Variants in NT5DC1 observed in about 807,000 individuals in gnomAD.
The protein encoded by NT5DC1 is 5'-nucleotidase domain-containing protein 1.
A neutral mutation model predicts 59.4 loss-of-function variants in NT5DC1; 42 were observed. That is an observed-to-expected ratio of 0.71 (90% confidence interval 0.55 to 0.92). The LOEUF (loss-of-function observed/expected upper bound fraction) is 0.92. Ranked by LOEUF, NT5DC1 falls within the 40% of genes least tolerant of loss-of-function variation. NT5DC1 has a pLI of 0.00. For synonymous variants in NT5DC1, 172 were observed against 188.1 expected (o/e 0.91, Z 0.70); for missense variants, 501 against 537.1 (o/e 0.93, Z 0.66).
chr6:116,103,234 A>T (rs551088298), intron 1 of NT5DC1, among the ~76,000 whole-genome samples: 3 of 152,306 alleles, frequency 2.0e-5, no homozygotes, highest in Admixed American at 2.0e-4. Context: ...TAATAACAGA[A>T]TATGATACAG....
chr6:116,201,152 T>G (rs959790163), intron 6 of NT5DC1, among the ~76,000 whole-genome samples: 2 of 151,944 alleles, frequency 1.3e-5, no homozygotes, highest in Non-Finnish European at 2.9e-5. Flanking sequence ...AGGGGATCCT[T>G]CAGAATGAGT....
At chr6:116,215,336 G>A (rs919361726) in intron 6 of NT5DC1, among the ~76,000 whole-genome samples, 2 of 152,024 alleles carry the variant, frequency 1.3e-5, no homozygotes, top group African/African-American at 4.8e-5. Context: ...ATTTTACTTT[G>A]TCTATACTGT....
chr6:116,245,716 A>G lies in NT5DC1; in HGVS notation c.*1692A>G, dbSNP rs568146611. 17 of 152,294 alleles carry G rather than the reference A, an allele frequency of 1.1e-4. No individual in the cohort carries two copies. The South Asian group carries it at 2.3e-3, about 20-fold the overall frequency. The allele number at this position is 152,294 out of a possible 1,614,324, so 9.4% of individuals were successfully genotyped here. ...TCCATGTTTACTCTGTAAATGGCAA[A>G]TAATACATCTTTAAATGCTTATGAA... is the stretch of plus-strand genomic sequence containing the variant. On this transcript the variant is annotated 3_prime_UTR_variant, in exon 12 of 12. Coordinates refer to ENST00000319550, the MANE Select transcript of NT5DC1 (RefSeq NM_152729.3).
chr6:116,244,064 C>A lies in NT5DC1; in HGVS notation c.*40C>A. On this transcript the variant is annotated 3_prime_UTR_variant, in exon 12 of 12. Transcript: ENST00000319550. ...AAAATGAAGTGAAGACCCATATATGCAGTTAAAAAAAAGTTAATTTTCAAA... is the reference window on the plus strand; with the variant it reads ...AAAATGAAGTGAAGACCCATATATGAAGTTAAAAAAAAGTTAATTTTCAAA... 1.3e-6 allele frequency: 1 copy of A among 775,516 alleles called. No homozygotes were observed. The highest frequency in any genetic ancestry group is 2.1e-6 in the Non-Finnish European group (1 of 472,698). The allele number at this position is 775,516 out of a possible 1,614,324, so 48.0% of individuals were successfully genotyped here. A position where few individuals can be genotyped will look rare whatever the true frequency, so the allele number is the denominator to read the frequency against.
At chr6:116,103,951 T>G (rs1013747740) in intron 1 of NT5DC1, among the ~76,000 whole-genome samples, 1 of 152,224 alleles carries the variant, frequency 6.6e-6, no homozygotes, top group African/African-American at 2.4e-5. Context: ...TTTTTAAATT[T>G]TATCTGGCAA....
At chr6:116,107,167 C>T (rs1295312010) in intron 2 of NT5DC1, among the ~76,000 whole-genome samples, 1 of 150,784 alleles carries the variant, frequency 6.6e-6, no homozygotes, top group Non-Finnish European at 1.5e-5. Context: ...GCATTCCAGC[C>T]TGGGCTACAG....
intron 6 of NT5DC1, among the ~76,000 whole-genome samples, chr6:116,165,886 C>T (rs1164283558): frequency 6.6e-6 from 1 of 152,178 alleles, no homozygotes; most frequent in African/African-American, 2.4e-5. Context: ...TGAGATTCCC[C>T]ATGCAGGGTA....
chr6:116,112,018 G>A (rs1441176659), intron 4 of NT5DC1, among the ~76,000 whole-genome samples: 32 of 152,178 alleles, frequency 2.1e-4, no homozygotes, highest in Admixed American at 2.1e-3. Context: ...AATTTATTAA[G>A]AATCCAGAGT....
intron 6 of NT5DC1, among the ~76,000 whole-genome samples, chr6:116,196,957 T>C (rs1159530842): frequency 1.3e-5 from 2 of 151,536 alleles, no homozygotes; most frequent in East Asian, 3.9e-4. Context: ...CAGAGTTCTA[T>C]CTAGTTGCAT....
intron 6 of NT5DC1, among the ~76,000 whole-genome samples, chr6:116,211,724 T>A (rs1781582370): frequency 6.6e-6 from 1 of 152,108 alleles, no homozygotes; most frequent in Non-Finnish European, 1.5e-5. Context: ...TTCCTTTTTC[T>A]AAGACATTTT....
intron 6 of NT5DC1, among the ~76,000 whole-genome samples, chr6:116,208,932 TG>T (rs1042787871): frequency 3.4e-4 from 52 of 152,110 alleles, no homozygotes; most frequent in African/African-American, 1.2e-3. Flanking sequence ...ACATCATGGC[TG>T]GGGATCCACT....
At position 116,219,861 on chromosome 6, in the gene NT5DC1, C is replaced by T. The variant is rs1464707824; in HGVS notation, c.530-1193C>T. 2.7e-5 allele frequency among the ~76,000 whole-genome samples: 4 copies of T among 148,558 alleles called. No individual in the cohort carries two copies. The East Asian group carries it at 8.0e-4, about 30-fold the overall frequency. Reference sequence around the variant, plus strand: ...CCTGTAGTCCCAGCTACTAGGGAGGCTAAGGCAGGAGAATCACTTGAACCC... The same window carrying T: ...CCTGTAGTCCCAGCTACTAGGGAGGTTAAGGCAGGAGAATCACTTGAACCC... On this transcript the variant is annotated intron_variant, in intron 6 of 11. Transcript: ENST00000319550.
At chr6:116,240,014 C>G (rs562643907) in intron 11 of NT5DC1, among the ~76,000 whole-genome samples, 1 of 151,840 alleles carries the variant, frequency 6.6e-6, no homozygotes. Flanking sequence ...GATTTAACAG[C>G]GAATTAGACA....
intron 8 of NT5DC1, among the ~76,000 whole-genome samples, chr6:116,225,745 A>G (rs1267335599): frequency 2.6e-5 from 4 of 152,180 alleles, no homozygotes; most frequent in Non-Finnish European, 4.4e-5. Context: ...GCAGTCAAAG[A>G]ATTGAGGTTT....
At chr6:116,159,992 C>T (rs2114423554) in intron 6 of NT5DC1, among the ~76,000 whole-genome samples, 1 of 152,238 alleles carries the variant, frequency 6.6e-6, no homozygotes, top group East Asian at 1.9e-4. Flanking sequence ...ATACATACCA[C>T]ATTTTTTTTA....
chr6:116,110,349 G>A (rs1434645660), intron 3 of NT5DC1, among the ~76,000 whole-genome samples: 3 of 152,154 alleles, frequency 2.0e-5, no homozygotes, highest in Admixed American at 6.5e-5. Flanking sequence ...CCTTGAGTGG[G>A]CAGGTTGCTC....
At chr6:116,116,096 AAGTT>A (rs1184110988) in intron 5 of NT5DC1, among the ~76,000 whole-genome samples, 4 of 152,316 alleles carry the variant, frequency 2.6e-5, no homozygotes, top group South Asian at 2.1e-4. Context: ...CAAAATAAAA[AAGTT>A]AGAGGTGATT....
chr6:116,190,687 C>G (rs934210281), intron 6 of NT5DC1, among the ~76,000 whole-genome samples: 2 of 152,048 alleles, frequency 1.3e-5, no homozygotes, highest in East Asian at 3.9e-4. Flanking sequence ...GACTTCAGAC[C>G]TGCAAAGCTG....
chr6:116,147,247 G>A (rs564150217), intron 6 of NT5DC1, among the ~76,000 whole-genome samples: 2 of 152,040 alleles, frequency 1.3e-5, no homozygotes, highest in Admixed American at 1.3e-4. Flanking sequence ...TTTGAGATCA[G>A]CCTGGCCAAC....
Sources: allele counts gnomAD v4.1 joint callset (sites outside exome capture counted in the v4.1 genomes callset), GRCh38; gene constraint gnomAD v4.1.1; transcripts MANE v1.5; gene names NCBI Gene and HGNC (gene_info 2026-07-23, HGNC 2026-07-21).